The following NDUFS4 variants were observed in gnomAD, a reference collection of about 807,000 sequenced individuals.
NDUFS4 encodes NADH:ubiquinone oxidoreductase subunit S4.
Under a neutral mutation model 24.3 loss-of-function variants are expected in NDUFS4, and 28 were observed. The observed-to-expected ratio is 1.15, with a 90% CI of 0.85 to 1.58. The LOEUF (loss-of-function observed/expected upper bound fraction) is 1.58, where lower values mean the gene tolerates loss of function less well. Ranked by LOEUF, NDUFS4 falls within the 40% of genes most tolerant of loss-of-function variation. The probability of loss-of-function intolerance (pLI) is 0.00; values close to 1 mark genes in which losing one functional copy is unlikely to be tolerated. For missense variants in NDUFS4, 223 were observed against 207.9 expected (o/e 1.07, Z -0.45); for synonymous variants, 93 against 69.7 (o/e 1.34, Z -1.67).
intron 1 of NDUFS4, among the ~76,000 whole-genome samples, chr5:53,574,575 A>C (rs1035226567): frequency 6.6e-6 from 1 of 152,056 alleles, no homozygotes; most frequent in Admixed American, 6.6e-5. Context: ...GTAATGCTGG[A>C]CTCATAAAAT....
At chr5:53,653,269 C>T (rs1752069974) in intron 3 of NDUFS4, among the ~76,000 whole-genome samples, 1 of 152,148 alleles carries the variant, frequency 6.6e-6, no homozygotes, top group South Asian at 2.1e-4. Context: ...GACATGTGCA[C>T]AAACGTAGAT....
chr5:53,661,356 G>GTATA (rs571838985), intron 4 of NDUFS4, among the ~76,000 whole-genome samples: 146 of 152,112 alleles, frequency 9.6e-4, no homozygotes, highest in African/African-American at 3.4e-3. Context: ...TTCCATTGGT[G>GTATA]TATATCTCTG....
At chr5:53,679,298 T>C (rs962648368) in intron 4 of NDUFS4, among the ~76,000 whole-genome samples, 1 of 152,160 alleles carries the variant, frequency 6.6e-6, no homozygotes, top group South Asian at 2.1e-4. Flanking sequence ...GTGGTAATTA[T>C]ATAGAGATGG....
chr5:53,661,487 CT>C (rs1305314210), intron 4 of NDUFS4, among the ~76,000 whole-genome samples: 1 of 152,062 alleles, frequency 6.6e-6, no homozygotes, highest in South Asian at 2.1e-4. Context: ...AATGCGGGCT[CT>C]TTTTTGGTTC....
At chr5:53,660,186 C>A (rs1241306431) in intron 4 of NDUFS4, among the ~76,000 whole-genome samples, 1 of 134,946 alleles carries the variant, frequency 7.4e-6, no homozygotes, top group Non-Finnish European at 1.6e-5. Context: ...TGTGATGTTC[C>A]CCTTCCTGTG....
At chr5:53,563,250 A>AAC (rs1748914487) in intron 1 of NDUFS4, among the ~76,000 whole-genome samples, 1 of 148,282 alleles carries the variant, frequency 6.7e-6, no homozygotes, top group Non-Finnish European at 1.5e-5. Context: ...AAAAAAAAAA[A>AAC]AAAAGAAAAG....
intron 1 of NDUFS4, 69 bp downstream of exon 1, chr5:53,560,829 T>TGAGTTCCGGACAGA (rs1748814001): frequency 6.2e-7 from 1 of 1,608,434 alleles, no homozygotes; most frequent in East Asian, 2.2e-5. Context: ...CTCTGCTGGC[T>TGAGTTCCGGACAGA]GAGTTCCGGA....
chr5:53,593,805 T>C (rs1750048471), intron 1 of NDUFS4, among the ~76,000 whole-genome samples: 1 of 152,112 alleles, frequency 6.6e-6, no homozygotes, highest in African/African-American at 2.4e-5. Context: ...TTTTGACCCA[T>C]GAGTTATTTA....
At chr5:53,651,737 G>T (rs947434598) in intron 3 of NDUFS4, among the ~76,000 whole-genome samples, 2 of 150,078 alleles carry the variant, frequency 1.3e-5, no homozygotes, top group Admixed American at 6.7e-5. Context: ...AAGCCACAAG[G>T]TTTCCTAATT....
Position 53,683,223 on chromosome 5 carries a change from T to A in NDUFS4, c.*2T>A, listed in dbSNP as rs777105100. 3 of 1,584,052 alleles carry A rather than the reference T, an allele frequency of 1.9e-6. No individual in the cohort carries two copies. Among genetic ancestry groups the A allele is most frequent in the Admixed American group, 3.3e-5 (2 of 59,802 alleles). On this transcript the variant is annotated 3_prime_UTR_variant, in exon 5 of 5. Coordinates refer to ENST00000296684, the MANE Select transcript of NDUFS4 (RefSeq NM_002495.4). Reference sequence around the variant, plus strand: ...AGAACAAGAGTATCCACAAAATAGGTTGGCACTGACTATATCTCTGCTTGA... The same window carrying A: ...AGAACAAGAGTATCCACAAAATAGGATGGCACTGACTATATCTCTGCTTGA...
In NDUFS4 at chr5:53,683,266, T is replaced by A. The variant is rs1461536621; in HGVS notation, c.*45T>A. 7.3e-7 allele frequency: 1 copy of A among 1,364,598 alleles called. No homozygotes were observed. The highest frequency in any genetic ancestry group is 1.7e-5 in the Admixed American group (1 of 59,420). The allele number at this position is 1,364,598 out of a possible 1,614,324, so 84.5% of individuals were successfully genotyped here. On this transcript the variant is annotated 3_prime_UTR_variant, in exon 5 of 5. Coordinates refer to ENST00000296684, the MANE Select transcript of NDUFS4 (RefSeq NM_002495.4). ...CTGCTTGACTGTGAATAAAGTCAGC[T>A]GTGCAGTATTTATAGTCCATGTATA...
At chr5:53,588,291 CCT>C (rs972971460) in intron 1 of NDUFS4, among the ~76,000 whole-genome samples, 1 of 152,138 alleles carries the variant, frequency 6.6e-6, no homozygotes, top group African/African-American at 2.4e-5. Context: ...GGTTCTCTTT[CCT>C]CTCTTGCCTT....
chr5:53,606,815 G>A (rs1750527445), intron 2 of NDUFS4, among the ~76,000 whole-genome samples: 1 of 152,098 alleles, frequency 6.6e-6, no homozygotes, highest in Admixed American at 6.5e-5. Context: ...ATGAGAGTTG[G>A]GCAGGGACAA....
At chr5:53,615,456 C>G (rs1218041271) in intron 2 of NDUFS4, among the ~76,000 whole-genome samples, 2 of 151,938 alleles carry the variant, frequency 1.3e-5, no homozygotes, top group African/African-American at 4.8e-5. Flanking sequence ...TTTCTGTGTT[C>G]AGGTTTTCTA....
chr5:53,621,674 A>G (rs145064694), intron 2 of NDUFS4, among the ~76,000 whole-genome samples: 3 of 135,816 alleles, frequency 2.2e-5, no homozygotes, highest in Admixed American at 1.5e-4. Flanking sequence ...CATATTTGTT[A>G]TAAACCTCAT....
intron 2 of NDUFS4, among the ~76,000 whole-genome samples, chr5:53,626,429 A>G (rs573522940): frequency 3.0e-4 from 46 of 152,168 alleles, no homozygotes; most frequent in Non-Finnish European, 5.6e-4. Context: ...TGGTATTTCT[A>G]GTTCTAGATC....
chr5:53,649,770 G>A (rs1751965711), intron 3 of NDUFS4, among the ~76,000 whole-genome samples: 1 of 152,110 alleles, frequency 6.6e-6, no homozygotes, highest in African/African-American at 2.4e-5. Flanking sequence ...ATTCCATAGG[G>A]GTTGAATTGC....
At chr5:53,579,189 CAT>C (rs1491486427) in intron 1 of NDUFS4, among the ~76,000 whole-genome samples, 1 of 150,206 alleles carries the variant, frequency 6.7e-6, no homozygotes, top group East Asian at 1.9e-4. Context: ...TTTCAGAATA[CAT>C]TATCTTTTGC....
chr5:53,586,241 A>ATTCT (rs1749749439), intron 1 of NDUFS4, among the ~76,000 whole-genome samples: 1 of 150,280 alleles, frequency 6.7e-6, no homozygotes, highest in South Asian at 2.1e-4. Context: ...AGGCAGGAGA[A>ATTCT]TCGTATGAAC....
Sources: allele counts gnomAD v4.1 joint callset (sites outside exome capture counted in the v4.1 genomes callset), GRCh38; gene constraint gnomAD v4.1.1; transcripts MANE v1.5; gene names NCBI Gene and HGNC (gene_info 2026-07-23, HGNC 2026-07-21).